The following CA1 variants were observed in gnomAD, a reference collection of about 807,000 sequenced individuals.
The protein encoded by CA1 is carbonate dehydratase I.
Under a neutral mutation model 28.8 loss-of-function variants are expected in CA1, and 27 were observed. That is an observed-to-expected ratio of 0.94 (90% CI 0.69 to 1.29). The LOEUF is 1.29. Among genes scored for constraint, CA1 ranks in the 50% most tolerant of loss-of-function variants. The pLI, the probability that CA1 is intolerant of heterozygous loss-of-function variation, is 0.00. For synonymous variants in CA1, 121 were observed against 108.8 expected, an observed-to-expected ratio of 1.11 and a Z score of -0.70; for missense variants, 335 against 310.5, an observed-to-expected ratio of 1.08 and a Z score of -0.59.
intron 4 of CA1, among the ~76,000 whole-genome samples, chr8:85,335,079 AT>A (rs1271807936): frequency 1.3e-5 from 2 of 152,322 alleles, no homozygotes; most frequent in African/African-American, 4.8e-5. Flanking sequence ...TGAAAAAAGA[AT>A]GATTAAGACA....
chr8:85,344,213 AATTAT>A (rs1270439826), intron 1 of CA1, among the ~76,000 whole-genome samples: 3 of 109,808 alleles, frequency 2.7e-5, no homozygotes, highest in East Asian at 2.1e-4. Flanking sequence ...TATATAATAT[AATTAT>A]ATTATATACA....
chr8:85,332,553 C>A lies in CA1; in HGVS notation c.451-1G>T. ...GCAGCTTTGGGTTGGCCTCACCAACCTGGAGATTTAAGAAAATAAAGTATG... is the reference window on the plus strand; with the variant it reads ...GCAGCTTTGGGTTGGCCTCACCAACATGGAGATTTAAGAAAATAAAGTATG... On this transcript the variant is annotated splice_acceptor_variant, in intron 5 of 7. Coordinates refer to ENST00000523022, the MANE Select transcript of CA1 (RefSeq NM_001128831.4). LOFTEE classifies it high-confidence loss of function. The A allele has an allele frequency of 2.5e-6, 4 of 1,610,356 alleles. No individual in the cohort carries two copies. Among genetic ancestry groups the A allele is most frequent in the Non-Finnish European group, 3.4e-6 (4 of 1,176,976 alleles).
intron 1 of CA1, among the ~76,000 whole-genome samples, chr8:85,370,425 G>C (rs11777053): frequency 0.018 from 2,672 of 151,988 alleles, 36 homozygotes; most frequent in Non-Finnish European, 0.028. Flanking sequence ...TAAAACCTTG[G>C]AGTTTTTTAA....
intron 1 of CA1, among the ~76,000 whole-genome samples, chr8:85,354,817 G>A (rs1021003684): frequency 2.0e-5 from 3 of 152,166 alleles, no homozygotes; most frequent in Non-Finnish European, 2.9e-5. Context: ...TTACATCCTG[G>A]AATAGACATG....
chr8:85,363,979 C>A (rs1809907803), intron 1 of CA1, among the ~76,000 whole-genome samples: 2 of 151,864 alleles, frequency 1.3e-5, no homozygotes, highest in Admixed American at 1.3e-4. Flanking sequence ...AATTTCTTTT[C>A]TTTCCTTTCC....
intron 1 of CA1, chr8:85,341,946 A>G (rs1808950439): frequency 8.8e-6 from 2 of 226,006 alleles, no homozygotes; most frequent in South Asian, 9.7e-5. Context: ...TTAGTAGAAG[A>G]TATGGCTTAA....
At chr8:85,346,476 A>G (rs541166333) in intron 1 of CA1, among the ~76,000 whole-genome samples, 1 of 152,218 alleles carries the variant, frequency 6.6e-6, no homozygotes, top group African/African-American at 2.4e-5. Context: ...AAAGCATAAA[A>G]TTCTGCTAGG....
At chr8:85,366,039 C>T (rs1809993095) in intron 1 of CA1, among the ~76,000 whole-genome samples, 1 of 152,106 alleles carries the variant, frequency 6.6e-6, no homozygotes. Flanking sequence ...TTGCCAATGT[C>T]CTATGTACAG....
intron 2 of CA1, among the ~76,000 whole-genome samples, chr8:85,338,776 CGCTCTTG>C (rs1808791833): frequency 1.4e-5 from 2 of 145,586 alleles, no homozygotes; most frequent in Non-Finnish European, 3.0e-5. Flanking sequence ...TGCAGTGATG[CGCTCTTG>C]GCTCACTGCA....
chr8:85,344,354 T>C (rs1179954288), intron 1 of CA1, among the ~76,000 whole-genome samples: 8 of 142,854 alleles, frequency 5.6e-5, no homozygotes, highest in Non-Finnish European at 1.1e-4. Flanking sequence ...ACATATATTA[T>C]GTATATTAGA....
chr8:85,344,165 T>TATATA (rs1809039948), intron 1 of CA1, among the ~76,000 whole-genome samples: 1 of 131,664 alleles, frequency 7.6e-6, no homozygotes, highest in African/African-American at 2.9e-5. Context: ...TACTGTATAT[T>TATATA]ATATACTGTA....
At chr8:85,338,846 T>C (rs1808795313) in intron 2 of CA1, among the ~76,000 whole-genome samples, 1 of 151,576 alleles carries the variant, frequency 6.6e-6, no homozygotes. Context: ...CCCAAGTAGC[T>C]GGGATTACAG....
intron 1 of CA1, among the ~76,000 whole-genome samples, chr8:85,367,211 C>T (rs80157317): frequency 0.015 from 2,356 of 152,002 alleles, 28 homozygotes; most frequent in South Asian, 0.049. Flanking sequence ...AGGAAAAGAA[C>T]GATTTCTATA....
chr8:85,351,964 C>A (rs1400999933), intron 1 of CA1, among the ~76,000 whole-genome samples: 1 of 152,102 alleles, frequency 6.6e-6, no homozygotes. Flanking sequence ...AAGCTAATTC[C>A]AACACAACTT....
At chr8:85,358,889 CAGTGAGTA>C (rs1809697806) in intron 1 of CA1, among the ~76,000 whole-genome samples, 1 of 152,186 alleles carries the variant, frequency 6.6e-6, no homozygotes, top group African/African-American at 2.4e-5. Context: ...GAAATTCACT[CAGTGAGTA>C]AGTCCAGGTA....
chr8:85,373,159 A>G (rs1810292404), intron 1 of CA1, among the ~76,000 whole-genome samples: 1 of 152,240 alleles, frequency 6.6e-6, no homozygotes, highest in South Asian at 2.1e-4. Context: ...TTGCAACTCA[A>G]ACTGTAAAAG....
intron 1 of CA1, among the ~76,000 whole-genome samples, chr8:85,362,250 A>G (rs1269099547): frequency 6.6e-6 from 1 of 152,160 alleles, no homozygotes; most frequent in East Asian, 1.9e-4. Context: ...CTTTGTGATT[A>G]TATCAGGCCC....
intron 5 of CA1, among the ~76,000 whole-genome samples, 163 bp from the exon 6 acceptor site, chr8:85,332,715 T>C (rs1416683572): frequency 1.3e-5 from 2 of 152,186 alleles, no homozygotes; most frequent in African/African-American, 2.4e-5. Flanking sequence ...TTTGAGGGCC[T>C]TTGTACTCTA....
At chr8:85,344,699 A>G (rs1310059898) in intron 1 of CA1, among the ~76,000 whole-genome samples, 1 of 152,150 alleles carries the variant, frequency 6.6e-6, no homozygotes, top group Non-Finnish European at 1.5e-5. Flanking sequence ...TAAAAGGAAC[A>G]AAAAGTGAAA....
Sources: gnomAD v4.1 joint callset for allele counts (sites outside exome capture counted in the v4.1 genomes callset) on GRCh38, gnomAD v4.1.1 for gene constraint, MANE v1.5 for transcripts, NCBI Gene and HGNC (gene_info 2026-07-23, HGNC 2026-07-21) for gene names.